TTC21B: variants seen among roughly 807,000 people sequenced by gnomAD.
TTC21B encodes tetratricopeptide repeat protein 21B.
A neutral mutation model predicts 175.1 loss-of-function variants in TTC21B; 127 were observed. The ratio of observed to expected loss-of-function variants is 0.73; its 90% confidence interval spans 0.63 to 0.84. The LOEUF (loss-of-function observed/expected upper bound fraction) is 0.84, where lower values mean the gene tolerates loss of function less well. Ranked by LOEUF, TTC21B falls within the 40% of genes least tolerant of loss-of-function variation. TTC21B has a pLI of 0.00. For synonymous variants in TTC21B, 524 were observed against 524.5 expected (o/e 1.00, Z 0.01); for missense variants, 1,561 against 1,558.3 (o/e 1.00, Z -0.03).
chr2:165,929,577 AAT>A, intron 10 of TTC21B, 71 bp downstream of exon 10: 1 of 1,152,186 alleles, frequency 8.7e-7, no homozygotes, highest in South Asian at 1.3e-5. Context: ...ATTACAAAAC[AAT>A]AAGACTGATT....
intron 6 of TTC21B, among the ~76,000 whole-genome samples, chr2:165,938,058 A>C (rs1422346034): frequency 6.6e-6 from 1 of 152,122 alleles, no homozygotes; most frequent in African/African-American, 2.4e-5. Context: ...AACAACTTGA[A>C]GAAGCTCCTA....
chr2:165,903,997 C>T (rs1001459736), intron 19 of TTC21B, among the ~76,000 whole-genome samples: 1 of 152,094 alleles, frequency 6.6e-6, no homozygotes, highest in South Asian at 2.1e-4. Context: ...CATATAAACT[C>T]AAAATTGATT....
chr2:165,939,075 CAAAACGAAA>C (rs1218396353), intron 6 of TTC21B, among the ~76,000 whole-genome samples: 86 of 152,114 alleles, frequency 5.7e-4, no homozygotes, highest in Non-Finnish European at 1.9e-4. Flanking sequence ...GAATTTGCTT[CAAAACGAAA>C]ATTAAAGCCA....
chr2:165,902,416 T>C (rs780346328), intron 19 of TTC21B, among the ~76,000 whole-genome samples: 2 of 152,184 alleles, frequency 1.3e-5, no homozygotes, highest in Non-Finnish European at 2.9e-5. Flanking sequence ...ATTTAACAAA[T>C]AGTAAATGCC....
At chr2:165,949,565 G>C (rs983489933) in intron 2 of TTC21B, 30 bp downstream of exon 2, 3 of 1,613,662 alleles carry the variant, frequency 1.9e-6, no homozygotes, top group African/African-American at 1.3e-5. Flanking sequence ...ATTTAAAACT[G>C]ATGGAACATG....
chr2:165,924,493 C>T, intron 12 of TTC21B, 56 bp downstream of exon 12: 5 of 1,554,206 alleles, frequency 3.2e-6, no homozygotes, highest in Non-Finnish European at 3.5e-6. Flanking sequence ...TTTATTTACG[C>T]TTGTTTTTAT....
intron 22 of TTC21B, among the ~76,000 whole-genome samples, chr2:165,892,701 A>T (rs1276950563): frequency 1.3e-5 from 2 of 152,178 alleles, no homozygotes; most frequent in Non-Finnish European, 2.9e-5. Flanking sequence ...GATGGTTGCC[A>T]GGGGCTCCGG....
chr2:165,949,568 G>A (rs1194687629), intron 2 of TTC21B, 27 bp downstream of exon 2: 3 of 1,613,738 alleles, frequency 1.9e-6, no homozygotes, highest in Non-Finnish European at 2.5e-6. Context: ...TAAAACTGAT[G>A]GAACATGTTT....
chr2:165,901,672 T>C (rs755194558), intron 20 of TTC21B, 50 bp downstream of exon 20: 2 of 1,551,262 alleles, frequency 1.3e-6, no homozygotes, highest in East Asian at 2.2e-5. Flanking sequence ...CTGAGGAAAT[T>C]AGAAGACATC....
intron 18 of TTC21B, among the ~76,000 whole-genome samples, chr2:165,908,209 A>G (rs1685809892): frequency 6.6e-6 from 1 of 152,212 alleles, no homozygotes; most frequent in African/African-American, 2.4e-5. Context: ...TGTTAAGAGC[A>G]CTGACTTTGA....
chr2:165,907,877 A>C (rs532740707), intron 18 of TTC21B, 93 bp from the exon 19 acceptor site: 1 of 880,528 alleles, frequency 1.1e-6, no homozygotes, highest in South Asian at 1.6e-5. Flanking sequence ...TCTAGAAAAA[A>C]TGATTTTGAA....
intron 7 of TTC21B, among the ~76,000 whole-genome samples, chr2:165,932,380 G>T (rs1686943124): frequency 6.6e-6 from 1 of 152,022 alleles, no homozygotes; most frequent in African/African-American, 2.4e-5. Flanking sequence ...GTATCTATCA[G>T]GCACTGTCAC....
intron 18 of TTC21B, among the ~76,000 whole-genome samples, chr2:165,908,141 TAAG>T (rs1559052057): frequency 6.6e-6 from 1 of 152,160 alleles, no homozygotes; most frequent in Non-Finnish European, 1.5e-5. Context: ...TATATGCAAT[TAAG>T]AAGATAACTG....
At chr2:165,907,856 T>C (rs951098299) in intron 18 of TTC21B, 72 bp from the exon 19 acceptor site, 4 of 1,076,226 alleles carry the variant, frequency 3.7e-6, no homozygotes, top group Non-Finnish European at 5.5e-6. Context: ...CCAGAATTTT[T>C]AAAACTGGTC....
intron 11 of TTC21B, among the ~76,000 whole-genome samples, chr2:165,925,194 C>G (rs567338861): frequency 3.9e-5 from 6 of 152,258 alleles, no homozygotes; most frequent in Middle Eastern, 3.4e-3. Flanking sequence ...CTATGCTAAA[C>G]TAAATGTCTC....
chr2:165,906,767 GAA>G (rs1685749285), intron 19 of TTC21B, among the ~76,000 whole-genome samples: 1 of 152,036 alleles, frequency 6.6e-6, no homozygotes, highest in East Asian at 1.9e-4. Context: ...CCAACATGGT[GAA>G]ACCCTGTCTC....
chr2:165,916,684 T>C (rs1169996137), intron 14 of TTC21B, among the ~76,000 whole-genome samples: 1 of 152,158 alleles, frequency 6.6e-6, no homozygotes, highest in African/African-American at 2.4e-5. Flanking sequence ...ATTACATTCA[T>C]GGTAACCAAG....
At chr2:165,905,898 C>T (rs1685712793) in intron 19 of TTC21B, among the ~76,000 whole-genome samples, 2 of 152,004 alleles carry the variant, frequency 1.3e-5, no homozygotes, top group Admixed American at 1.3e-4. Context: ...TATTTCAAGT[C>T]CACATGGAAC....
At chr2:165,905,823 T>G (rs1164315479) in intron 19 of TTC21B, among the ~76,000 whole-genome samples, 2 of 152,142 alleles carry the variant, frequency 1.3e-5, no homozygotes, top group Non-Finnish European at 2.9e-5. Context: ...TGACATACGG[T>G]TGAACTAAGT....
Sources: allele counts gnomAD v4.1 joint callset (sites outside exome capture counted in the v4.1 genomes callset), GRCh38; gene constraint gnomAD v4.1.1; transcripts MANE v1.5; gene names NCBI Gene and HGNC (gene_info 2026-07-23, HGNC 2026-07-21).